The following CDC42BPG variants were observed in gnomAD, a reference collection of about 807,000 sequenced individuals.
CDC42BPG encodes the protein serine/threonine-protein kinase MRCK gamma.
A neutral mutation model predicts 192.2 loss-of-function variants in CDC42BPG; 157 were observed. The ratio of observed to expected loss-of-function variants is 0.82; its 90% CI spans 0.72 to 0.93. The LOEUF (loss-of-function observed/expected upper bound fraction) is 0.93. CDC42BPG is among the 40% of genes least tolerant of loss of function. The probability of loss-of-function intolerance (pLI) is 0.00; values close to 1 mark genes in which losing one functional copy is unlikely to be tolerated. For missense variants in CDC42BPG, 1,992 were observed against 2,122.1 expected (o/e 0.94, Z 1.20); for synonymous variants, 981 against 918.5 (o/e 1.07, Z -1.23).
At chr11:64,840,889 C>T (rs1163409419) in intron 3 of CDC42BPG, among the ~76,000 whole-genome samples, 2 of 152,210 alleles carry the variant, frequency 1.3e-5, no homozygotes, top group African/African-American at 4.8e-5. Context: ...TTTATTAGGC[C>T]TGTAATCCCA....
intron 36 of CDC42BPG, 145 bp from the exon 37 acceptor site, chr11:64,824,674 A>T (rs1393413299): frequency 1.6e-6 from 1 of 608,822 alleles, no homozygotes; most frequent in African/African-American, 1.9e-5. Context: ...GGTGAGGAGT[A>T]GAGGTGGTAA....
chr11:64,836,670 G>T, intron 11 of CDC42BPG, 69 bp downstream of exon 11: 2 of 1,120,198 alleles, frequency 1.8e-6, no homozygotes, highest in Non-Finnish European at 2.5e-6. Context: ...CTTGTCCAGG[G>T]CAGGGCAGGA....
At chr11:64,825,215 C>A (rs1942373107) in intron 36 of CDC42BPG, among the ~76,000 whole-genome samples, 1 of 152,182 alleles carries the variant, frequency 6.6e-6, no homozygotes, top group Admixed American at 6.5e-5. Context: ...CAGCGCCCAG[C>A]CTCAAAGTCC....
rs543526205 is a variant in CDC42BPG at position 64,838,455 on chromosome 11, C to T, written c.1125+199G>A. Reference sequence around the variant, plus strand: ...GCATGGGGAGCCTGTGGGAGATGCTCCCCCACCCCAGTTTGGCTGGAAGAG... The same window carrying T: ...GCATGGGGAGCCTGTGGGAGATGCTTCCCCACCCCAGTTTGGCTGGAAGAG... On this transcript the variant is annotated intron_variant, in intron 8 of 36. Transcript: ENST00000342711. Among the ~76,000 whole-genome samples the T allele has an allele frequency of 1.3e-4, 20 of 152,296 alleles. No homozygotes were observed. The South Asian group carries it at 3.5e-3, about 27-fold the overall frequency.
intron 1 of CDC42BPG, among the ~76,000 whole-genome samples, chr11:64,843,844 G>C (rs1943386241): frequency 6.6e-6 from 1 of 152,256 alleles, no homozygotes; most frequent in South Asian, 2.1e-4. Flanking sequence ...CCAGGCTGCA[G>C]TGGTCTTGTA....
intron 11 of CDC42BPG, 24 bp downstream of exon 11, chr11:64,836,715 G>GGGGA (rs1943022307): frequency 3.4e-6 from 3 of 870,558 alleles, no homozygotes; most frequent in African/African-American, 1.8e-5. Flanking sequence ...CTGGGGGGGG[G>GGGGA]GGGGGGGTGG....
Position 64,836,208 on chromosome 11 carries a change from A to T in CDC42BPG, c.1577T>A (p.Leu526Gln), listed in dbSNP as rs1406016854. 1 of 1,599,422 alleles carries T rather than the reference A, an allele frequency of 6.3e-7. No individual in the cohort carries two copies. Among genetic ancestry groups the T allele is most frequent in the Non-Finnish European group, 8.5e-7 (1 of 1,174,996 alleles). ...QGQQEELLQR[L>Q]QEAQEREAAT... ...CGCCTCTCTCTCCTGGGCCTCCTGTAGCCTCTGAAGCAGCTCCTCCTGCTG... is the reference window on the plus strand; with the variant it reads ...CGCCTCTCTCTCCTGGGCCTCCTGTTGCCTCTGAAGCAGCTCCTCCTGCTG... Residue 526 changes from leucine to glutamine, a missense_variant, in exon 13 of 37, where the codon CTA (leucine) becomes CAA (glutamine). Transcript: ENST00000342711.
At chr11:64,831,802 T>G in intron 27 of CDC42BPG, 81 bp from the exon 28 acceptor site, 2 of 1,308,334 alleles carry the variant, frequency 1.5e-6, no homozygotes, top group Non-Finnish European at 2.1e-6. Context: ...GCAGCCGCTG[T>G]GCCCCGGGGG....
intron 36 of CDC42BPG, among the ~76,000 whole-genome samples, chr11:64,826,238 C>T (rs938622328): frequency 6.6e-6 from 1 of 152,188 alleles, no homozygotes; most frequent in Non-Finnish European, 1.5e-5. Context: ...TTGCCCAGAG[C>T]CACACAGCTG....
At chr11:64,824,566 C>G in intron 36 of CDC42BPG, 37 bp from the exon 37 acceptor site, 3 of 1,487,586 alleles carry the variant, frequency 2.0e-6, no homozygotes, top group South Asian at 2.3e-5. Context: ...GGGGTAGGAT[C>G]AGGAAGAACT....
At chr11:64,833,008 G>C (rs932132467) in intron 24 of CDC42BPG, 49 bp from the exon 25 acceptor site, 31 of 1,489,912 alleles carry the variant, frequency 2.1e-5, no homozygotes, top group African/African-American at 2.8e-5. Flanking sequence ...GGAGGGGACA[G>C]CCCCAAACCA....
In CDC42BPG at chr11:64,836,735, A is replaced by AGGGG. The variant is rs1592712685; in HGVS notation, c.1384+3_1384+4insCCCC. The AGGGG allele has an allele frequency of 5.4e-6, 5 of 928,164 alleles. No individual in the cohort carries two copies. The highest frequency in any genetic ancestry group is 1.7e-5 in the South Asian group (1 of 58,880). 57.5% of individuals were successfully genotyped at this position (928,164 alleles called of 1,614,324 possible). On this transcript the variant is annotated splice_donor_region_variant and intron_variant, in intron 11 of 36. Transcript: ENST00000342711. ...GGGGGGGGGGGGGTGGGCGGAAGGG[A>AGGGG]TACCTGGCAGCCTGTCCCGCAGAGT...
At position 64,844,609 on chromosome 11, in the gene CDC42BPG, C is replaced by A; in HGVS notation, c.-40G>T. ...CCTCGCTGCTCGGCTACAGTCTGGC[C>A]GCCCGCATGCCCGCCTGTCGGGCCG... On this transcript the variant is annotated 5_prime_UTR_variant, in exon 1 of 37. Transcript: ENST00000342711. 1.6e-6 allele frequency: 2 copies of A among 1,233,078 alleles called. No homozygotes were observed. Among genetic ancestry groups the A allele is most frequent in the Non-Finnish European group, 2.0e-6 (2 of 987,356 alleles). 76.4% of individuals were successfully genotyped at this position (1,233,078 alleles called of 1,614,324 possible). A position where few individuals can be genotyped will look rare whatever the true frequency, so the allele number is the denominator to read the frequency against.
At position 64,834,860 on chromosome 11, in the gene CDC42BPG, C is replaced by T. The variant is rs1237725467; in HGVS notation, c.2164G>A (p.Ala722Thr). Residue 722 changes from alanine to threonine, a missense_variant, in exon 18 of 37, where the codon GCC (alanine) becomes ACC (threonine). This residue lies in a region of CDC42BPG where 1,656 missense variants were observed against 1,844.3 expected (regional missense o/e 0.90). Transcript: ENST00000342711. ...LRNVGTQTLP[A>T]RPLDHQWKAR... ...TCTCTGGGGCTCACCAGTGGCCGGGCAGGGAGCGTCTGGGTGCCTACGTTC... is the reference window on the plus strand; with the variant it reads ...TCTCTGGGGCTCACCAGTGGCCGGGTAGGGAGCGTCTGGGTGCCTACGTTC... The T allele has an allele frequency of 6.2e-7, 1 of 1,613,094 alleles. No individual in the cohort carries two copies. The highest frequency in any genetic ancestry group is 2.2e-5 in the East Asian group (1 of 44,878).
At chr11:64,829,043 CTCT>C (rs1942563128) in intron 30 of CDC42BPG, among the ~76,000 whole-genome samples, 1 of 151,898 alleles carries the variant, frequency 6.6e-6, no homozygotes, top group African/African-American at 2.4e-5. Flanking sequence ...AGTGAGACTC[CTCT>C]GTCTCAAACA....
intron 6 of CDC42BPG, 22 bp from the exon 7 acceptor site, chr11:64,839,255 C>T (rs1376887465): frequency 6.2e-7 from 1 of 1,612,506 alleles, no homozygotes; most frequent in Non-Finnish European, 8.5e-7. Context: ...GGTGGTGAAG[C>T]CATGAGGACA....
At chr11:64,830,810 C>T (rs549355638) in intron 28 of CDC42BPG, among the ~76,000 whole-genome samples, 71 of 152,338 alleles carry the variant, frequency 4.7e-4, no homozygotes, top group Middle Eastern at 3.4e-3. Flanking sequence ...TGAAGCTCTT[C>T]GCAGCTCCAC....
In CDC42BPG at chr11:64,836,725, GGCGGAA is replaced by G; in HGVS notation, c.1384+8_1384+13del. ...CAGCCCTGGGGGGGGGGGGGGGGTG[GGCGGAA>G]GGGATACCTGGCAGCCTGTCCCGCA... On this transcript the variant is annotated splice_region_variant and intron_variant, in intron 11 of 36. Transcript: ENST00000342711. The G allele has an allele frequency of 1.0e-6, 1 of 956,874 alleles. No individual in the cohort carries two copies. Among genetic ancestry groups the G allele is most frequent in the South Asian group, 1.7e-5 (1 of 60,476 alleles). The allele number at this position is 956,874 out of a possible 1,614,324, so 59.3% of individuals were successfully genotyped here. A position where few individuals can be genotyped will look rare whatever the true frequency, so the allele number is the denominator to read the frequency against.
chr11:64,840,064 G>A (rs1943208932), intron 5 of CDC42BPG, 56 bp downstream of exon 5: 2 of 1,533,716 alleles, frequency 1.3e-6, no homozygotes, highest in Admixed American at 1.8e-5. Context: ...CAGCACAGCT[G>A]GCAGGGGTTG....
Sources: allele counts gnomAD v4.1 joint callset (sites outside exome capture counted in the v4.1 genomes callset), GRCh38; gene constraint gnomAD v4.1.1; regional missense constraint gnomAD v4.1.1; transcripts MANE v1.5; gene names NCBI Gene and HGNC (gene_info 2026-07-23, HGNC 2026-07-21).